The following GRIK3 variants were observed in gnomAD, a reference collection of about 807,000 sequenced individuals.
The protein encoded by GRIK3 is glutamate ionotropic receptor kainate type subunit 3.
GRIK3 carries 29 observed loss-of-function variants against 102.5 expected under a neutral mutation model. That is an observed-to-expected ratio of 0.28 (90% CI 0.21 to 0.39). The LOEUF is 0.39. Ranked by LOEUF, GRIK3 falls within the 10% of genes least tolerant of loss-of-function variation. GRIK3 has a pLI of 1.00. For synonymous variants in GRIK3, 511 were observed against 504.9 expected, an observed-to-expected ratio of 1.01 and a Z score of -0.16; for missense variants, 908 against 1,252.4, an observed-to-expected ratio of 0.73 and a Z score of 4.15.
chr1:36,818,849 C>T (rs895514064), intron 12 of GRIK3, among the ~76,000 whole-genome samples: 11 of 152,180 alleles, frequency 7.2e-5, no homozygotes, highest in African/African-American at 2.7e-4. Flanking sequence ...TAAGCAGGTC[C>T]CTCAGTGAAA....
At chr1:36,949,574 C>CTTTTTTTTTTTTTT (rs60157852) in intron 1 of GRIK3, among the ~76,000 whole-genome samples, 17 of 99,680 alleles carry the variant, frequency 1.7e-4, no homozygotes, top group African/African-American at 5.9e-4. Flanking sequence ...CTCTCTCTTT[C>CTTTTTTTTTTTTTT]TTTTTTTTTT....
In GRIK3 at chr1:36,825,792, G is replaced by T. The variant is rs1416365740; in HGVS notation, c.1565C>A (p.Thr522Asn). The T allele has an allele frequency of 6.2e-7, 1 of 1,613,284 alleles. No individual in the cohort carries two copies. Among genetic ancestry groups the T allele is most frequent in the Non-Finnish European group, 8.5e-7 (1 of 1,179,598 alleles). ...ADLAVAPLTI[T>N]HVREKAIDFS... ...GTCGATGGCCTTCTCTCGAACATGG[G>T]TGATGGTCAGGGGGGCCACGGCCAG... Residue 522 changes from threonine to asparagine, a missense_variant, in exon 11 of 16, where the codon ACC becomes AAC. Thr to Asn is a moderately conservative substitution (Grantham distance 65). Around this residue, in one of 3 missense-constraint regions of GRIK3, gnomAD observed 585 missense variants for 824.9 expected, o/e 0.71. Coordinates refer to ENST00000373091, the MANE Select transcript of GRIK3 (RefSeq NM_000831.4).
chr1:36,986,317 G>T (rs1056869181), intron 1 of GRIK3, among the ~76,000 whole-genome samples: 1 of 151,860 alleles, frequency 6.6e-6, no homozygotes, highest in Non-Finnish European at 1.5e-5. Context: ...CCATACATCA[G>T]TCTGTTCATC....
chr1:37,024,751 A>AG (rs1642750429), intron 1 of GRIK3, among the ~76,000 whole-genome samples: 1 of 150,554 alleles, frequency 6.6e-6, no homozygotes, highest in Non-Finnish European at 1.5e-5. Flanking sequence ...TCAAAAAAAA[A>AG]AAAAAAAAAA....
chr1:36,941,831 T>TGC (rs1318978879), intron 1 of GRIK3, among the ~76,000 whole-genome samples: 1,655 of 152,278 alleles, frequency 0.011, 31 homozygotes, highest in African/African-American at 0.038. Flanking sequence ...GGAGCAGAAT[T>TGC]ATGACCTAAT....
At chr1:36,812,468 C>T (rs185771937) in intron 13 of GRIK3, among the ~76,000 whole-genome samples, 5 of 152,320 alleles carry the variant, frequency 3.3e-5, no homozygotes, top group South Asian at 4.1e-4. Flanking sequence ...GCTTTCCCAA[C>T]GTTCTCCTTT....
chr1:36,824,240 A>G (rs1642728648), intron 11 of GRIK3, among the ~76,000 whole-genome samples: 1 of 152,180 alleles, frequency 6.6e-6, no homozygotes, highest in African/African-American at 2.4e-5. Context: ...AAAAGGGCAG[A>G]GCGGATGCCA....
At chr1:36,852,880 C>T (rs1025790968) in intron 8 of GRIK3, among the ~76,000 whole-genome samples, 1 of 152,166 alleles carries the variant, frequency 6.6e-6, no homozygotes, top group African/African-American at 2.4e-5. Flanking sequence ...ATTGAGGGCT[C>T]GTATTAAATC....
At chr1:36,830,299 C>G (rs1439641124) in intron 10 of GRIK3, among the ~76,000 whole-genome samples, 1 of 152,088 alleles carries the variant, frequency 6.6e-6, no homozygotes, top group African/African-American at 2.4e-5. Context: ...TCATTGTGAT[C>G]TCAAAGCCCA....
intron 1 of GRIK3, among the ~76,000 whole-genome samples, chr1:36,961,551 C>T (rs754194927): frequency 2.0e-5 from 3 of 152,206 alleles, no homozygotes; most frequent in African/African-American, 7.2e-5. Context: ...GCCCCAGGCA[C>T]AGCCCTGGGG....
Position 36,992,600 on chromosome 1 carries a change from A to G in GRIK3, c.115+41394T>C, listed in dbSNP as rs866628787. Among the ~76,000 whole-genome samples, 4 of 152,278 alleles carry G rather than the reference A, an allele frequency of 2.6e-5. No homozygotes were observed. In the South Asian group the frequency reaches 6.2e-4, roughly 24 times the overall value. On this transcript the variant is annotated intron_variant, in intron 1 of 15. Transcript: ENST00000373091. ...ATGGCTAAGATGTAGAGAGGTGAAG[A>G]GGAGGAGACATGATGGTTGATGGAT...
intron 10 of GRIK3, among the ~76,000 whole-genome samples, chr1:36,831,149 A>G (rs1434548062): frequency 6.6e-6 from 1 of 151,900 alleles, no homozygotes; most frequent in East Asian, 1.9e-4. Flanking sequence ...TGCTGTCCCC[A>G]CCCCAGCACC....
intron 10 of GRIK3, among the ~76,000 whole-genome samples, chr1:36,832,282 T>C (rs1479396180): frequency 6.6e-6 from 1 of 152,192 alleles, no homozygotes; most frequent in Non-Finnish European, 1.5e-5. Flanking sequence ...AGGCCTTTCA[T>C]AGAGACTCTG....
chr1:36,852,931 T>G (rs970620100), intron 8 of GRIK3, among the ~76,000 whole-genome samples: 1 of 152,218 alleles, frequency 6.6e-6, no homozygotes, highest in African/African-American at 2.4e-5. Context: ...CAGAATATGC[T>G]GAAGGTTCCC....
intron 13 of GRIK3, among the ~76,000 whole-genome samples, chr1:36,816,824 A>C (rs1051039444): frequency 1.3e-5 from 2 of 152,058 alleles, no homozygotes; most frequent in Admixed American, 1.3e-4. Flanking sequence ...ACACATTCAC[A>C]TTGCTCATCT....
chr1:36,984,630 T>C (rs374394800), intron 1 of GRIK3, among the ~76,000 whole-genome samples: 2 of 152,164 alleles, frequency 1.3e-5, no homozygotes, highest in African/African-American at 2.4e-5. Context: ...GGGGCATGGA[T>C]GGAAGAGTGC....
At chr1:37,010,802 C>T (rs528224987) in intron 1 of GRIK3, among the ~76,000 whole-genome samples, 2 of 144,082 alleles carry the variant, frequency 1.4e-5, no homozygotes, top group South Asian at 2.2e-4. Flanking sequence ...ACTGCAGTGG[C>T]GCAATCTCGG....
intron 10 of GRIK3, among the ~76,000 whole-genome samples, chr1:36,836,798 C>T (rs1640384944): frequency 6.6e-6 from 1 of 152,196 alleles, no homozygotes; most frequent in South Asian, 2.1e-4. Flanking sequence ...CTCCCTCTTG[C>T]TCTGATGCAG....
At chr1:37,002,173 T>G (rs191601790) in intron 1 of GRIK3, among the ~76,000 whole-genome samples, 70 of 152,342 alleles carry the variant, frequency 4.6e-4, no homozygotes, top group African/African-American at 1.6e-3. Flanking sequence ...AATTACTTAT[T>G]TTGGGGTATG....
Sources: gnomAD v4.1 joint callset for allele counts (sites outside exome capture counted in the v4.1 genomes callset) on GRCh38, gnomAD v4.1.1 for gene constraint, gnomAD v4.1.1 regional missense constraint, MANE v1.5 for transcripts, NCBI Gene and HGNC (gene_info 2026-07-23, HGNC 2026-07-21) for gene names.